The following PAK3 variants were observed in gnomAD, a reference collection of about 807,000 sequenced individuals.
The protein encoded by PAK3 is serine/threonine-protein kinase PAK 3.
In PAK3, 4 loss-of-function variants were observed where a neutral mutation model predicts 41.0. That is an observed-to-expected ratio of 0.10 (90% CI 0.05 to 0.22). The LOEUF is 0.22. PAK3 is among the 10% of genes least tolerant of loss of function. The pLI, the probability that PAK3 is intolerant of heterozygous loss-of-function variation, is 1.00. For missense variants in PAK3, 205 were observed against 409.9 expected, an observed-to-expected ratio of 0.50 and a Z score of 4.32; for synonymous variants, 146 against 139.6, an observed-to-expected ratio of 1.05 and a Z score of -0.32.
intron 1 of PAK3, among the ~76,000 whole-genome samples, chrX:111,006,898 G>A (rs1194006828): frequency 1.1e-5 from 1 of 88,601 alleles, no homozygotes; most frequent in East Asian, 3.6e-4. Flanking sequence ...CTGCTGGAGT[G>A]TAGTGGTGTG....
intron 1 of PAK3, among the ~76,000 whole-genome samples, chrX:110,957,241 T>A (rs1356511815): frequency 8.9e-6 from 1 of 112,548 alleles, no homozygotes; most frequent in East Asian, 2.8e-4. Flanking sequence ...ATTATCTCAT[T>A]TAATAGTCAC....
In PAK3 at chrX:111,163,484, A is replaced by G; in HGVS notation, c.601-78A>G. ...AAATACCACTTGTCTTTAAAAATTC[A>G]TTGATATTACAATACATTGACTCCA... On this transcript the variant is annotated intron_variant, in intron 9 of 17. Coordinates refer to ENST00000372007, the MANE Select transcript of PAK3 (RefSeq NM_002578.5). 9.8e-6 allele frequency: 7 copies of G among 714,797 alleles called. No individual in the cohort carries two copies. In the South Asian group the frequency reaches 1.6e-4, roughly 16 times the overall value. 58.9% of individuals were successfully genotyped at this position (714,797 alleles called of 1,213,427 possible).
At chrX:111,101,416 T>G (rs1471462420) in intron 3 of PAK3, among the ~76,000 whole-genome samples, 1 of 111,751 alleles carries the variant, frequency 8.9e-6, no homozygotes, top group Admixed American at 9.4e-5. Flanking sequence ...GCCATGGAGT[T>G]AAAAAGTGGT....
chrX:111,093,047 T>A (rs1053768884), upstream of PAK3, among the ~76,000 whole-genome samples: 5 of 111,984 alleles, frequency 4.5e-5, no homozygotes, highest in Non-Finnish European at 7.5e-5. Flanking sequence ...CATTTCAGTT[T>A]ACTTCTGTTA....
intron 6 of PAK3, among the ~76,000 whole-genome samples, 156 bp from the exon 7 acceptor site, chrX:111,147,581 A>G (rs900938610): frequency 1.8e-5 from 2 of 111,577 alleles, no homozygotes; most frequent in Non-Finnish European, 3.8e-5. Context: ...TGATTGCATT[A>G]TTAAGTTACT....
chrX:111,023,632 C>T (rs2092225747), intron 1 of PAK3, among the ~76,000 whole-genome samples: 1 of 112,428 alleles, frequency 8.9e-6, no homozygotes, highest in African/African-American at 3.2e-5. Flanking sequence ...CTGCATTTCT[C>T]TAATGACCAG....
chrX:111,178,256 C>T (rs946791997), intron 11 of PAK3, among the ~76,000 whole-genome samples: 1 of 111,572 alleles, frequency 9.0e-6, no homozygotes, highest in East Asian at 2.8e-4. Context: ...TTGACCTTTT[C>T]TGTCTTTTGT....
At chrX:111,085,292 A>G (rs1424280193) in intron 1 of PAK3, among the ~76,000 whole-genome samples, 1 of 111,589 alleles carries the variant, frequency 9.0e-6, no homozygotes, top group Admixed American at 9.5e-5. Flanking sequence ...TAGCCATGAG[A>G]TTGCTCCCCA....
chrX:111,101,279 C>T (rs1226989237), intron 3 of PAK3, among the ~76,000 whole-genome samples: 1 of 111,773 alleles, frequency 8.9e-6, no homozygotes, highest in Non-Finnish European at 1.9e-5. Context: ...AGGATATCTC[C>T]CCTTGCCCTA....
At chrX:111,122,255 GAAAAA>G (rs747134804) in intron 4 of PAK3, among the ~76,000 whole-genome samples, 23 of 23,274 alleles carry the variant, frequency 9.9e-4, no homozygotes, top group African/African-American at 3.3e-3. Flanking sequence ...GACTCCATCT[GAAAAA>G]AAAAAAAAAA....
chrX:111,054,189 T>C (rs1486806018), intron 1 of PAK3, among the ~76,000 whole-genome samples: 1 of 112,351 alleles, frequency 8.9e-6, no homozygotes, highest in Non-Finnish European at 1.9e-5. Flanking sequence ...CTGGGTCTGC[T>C]GTGAGGCTGG....
chrX:111,016,964 AAGATAGTAG>A (rs1319491662), intron 1 of PAK3, among the ~76,000 whole-genome samples: 6 of 111,789 alleles, frequency 5.4e-5, no homozygotes, highest in African/African-American at 1.6e-4. Flanking sequence ...AAACTCAACA[AAGATAGTAG>A]TCCCTGCTTT....
At chrX:111,130,923 G>C (rs1284247195) in intron 5 of PAK3, among the ~76,000 whole-genome samples, 1 of 111,692 alleles carries the variant, frequency 9.0e-6, no homozygotes, top group Non-Finnish European at 1.9e-5. Flanking sequence ...GAAGTTCAGA[G>C]AGGTTAAATG....
intron 11 of PAK3, among the ~76,000 whole-genome samples, chrX:111,188,189 G>A (rs1326410003): frequency 9.2e-6 from 1 of 109,008 alleles, no homozygotes; most frequent in Non-Finnish European, 1.9e-5. Context: ...TAAATGCTGA[G>A]GGTGCTGGAG....
intron 1 of PAK3, among the ~76,000 whole-genome samples, chrX:110,953,087 A>C (rs750085503): frequency 1.8e-5 from 2 of 112,197 alleles, no homozygotes; most frequent in East Asian, 5.6e-4. Flanking sequence ...GTAGAATTGG[A>C]AATTGTCATG....
At chrX:111,190,975 A>G (rs770686621) in intron 11 of PAK3, among the ~76,000 whole-genome samples, 5 of 112,086 alleles carry the variant, frequency 4.5e-5, no homozygotes, top group Non-Finnish European at 7.5e-5. Context: ...TGATTCATAG[A>G]AGGTTACTGT....
At position 111,221,215 on chromosome X, in the gene PAK3, T is replaced by A. The variant is rs980250074; in HGVS notation, c.*768T>A. On this transcript the variant is annotated 3_prime_UTR_variant, in exon 18 of 18. Transcript: ENST00000372007. ...AAAAAACTGTATATCTAAATAAAGC[T>A]CAAACGGTGAAATCCTGTCACATTT... 1.8e-5 allele frequency: 2 copies of A among 112,044 alleles called. No individual in the cohort carries two copies. Among genetic ancestry groups the A allele is most frequent in the Non-Finnish European group, 3.8e-5 (2 of 53,170 alleles). The allele number at this position is 112,044 out of a possible 1,213,427, so 9.2% of individuals were successfully genotyped here.
chrX:111,136,802 G>A lies in PAK3; in HGVS notation c.176-5294G>A, dbSNP rs139182512. On this transcript the variant is annotated intron_variant, in intron 5 of 17. Transcript: ENST00000372007. ...TCACTCTGGCTGTGCATTATCTCTGGAGTTTTAAAAATTCATTTGCCCAGG... is the reference window on the plus strand; with the variant it reads ...TCACTCTGGCTGTGCATTATCTCTGAAGTTTTAAAAATTCATTTGCCCAGG... 5.7e-4 allele frequency among the ~76,000 whole-genome samples: 64 copies of A among 111,862 alleles called. No homozygotes were observed. The East Asian group carries it at 0.018, about 31-fold the overall frequency.
At chrX:111,148,762 C>T (rs905020934) in intron 7 of PAK3, among the ~76,000 whole-genome samples, 2 of 111,075 alleles carry the variant, frequency 1.8e-5, no homozygotes, top group East Asian at 5.7e-4. Context: ...GTCCCTCCCA[C>T]AACATGTTGG....
Sources: gnomAD v4.1 joint callset for allele counts (sites outside exome capture counted in the v4.1 genomes callset) on GRCh38, gnomAD v4.1.1 for gene constraint, MANE v1.5 for transcripts, NCBI Gene and HGNC (gene_info 2026-07-23, HGNC 2026-07-21) for gene names.